Variants in PSME4 observed in about 807,000 individuals in gnomAD.
PSME4 encodes the protein proteasome activator complex subunit 4.
A neutral mutation model predicts 253.9 loss-of-function variants in PSME4; 89 were observed. That is an observed-to-expected ratio of 0.35 (90% CI 0.30 to 0.42). The LOEUF is 0.42. PSME4 is among the 10% of genes least tolerant of loss of function. The pLI is 1.00. For missense variants in PSME4, 2,014 were observed against 2,195.2 expected, an observed-to-expected ratio of 0.92 and a Z score of 1.65; for synonymous variants, 851 against 759.2, an observed-to-expected ratio of 1.12 and a Z score of -1.99.
intron 1 of PSME4, among the ~76,000 whole-genome samples, chr2:53,965,068 A>C (rs13400912): frequency 0.021 from 3,245 of 152,064 alleles, 109 homozygotes; most frequent in African/African-American, 0.075. Flanking sequence ...TACTTCACTA[A>C]AATCAAAATT....
At chr2:53,914,755 C>G (rs1310583920) in intron 20 of PSME4, among the ~76,000 whole-genome samples, 1 of 152,116 alleles carries the variant, frequency 6.6e-6, no homozygotes, top group Non-Finnish European at 1.5e-5. Flanking sequence ...GTGGCACACG[C>G]CTGTAATCCC....
chr2:53,925,508 G>C, intron 14 of PSME4, 31 bp downstream of exon 14: 2 of 1,477,280 alleles, frequency 1.4e-6, no homozygotes, highest in East Asian at 2.3e-5. Flanking sequence ...CTTAAAAGCT[G>C]GAAGTTTATT....
intron 43 of PSME4, among the ~76,000 whole-genome samples, chr2:53,873,836 G>A (rs1679004219): frequency 6.6e-6 from 1 of 152,104 alleles, no homozygotes; most frequent in South Asian, 2.1e-4. Context: ...GGGTTCAGGA[G>A]TATTATTTGC....
intron 20 of PSME4, among the ~76,000 whole-genome samples, chr2:53,910,856 C>T (rs1667799686): frequency 6.6e-6 from 1 of 151,948 alleles, no homozygotes; most frequent in African/African-American, 2.4e-5. Context: ...TACTTTATTT[C>T]AAAATATGAG....
chr2:53,884,200 G>A (rs1213935572), intron 41 of PSME4, among the ~76,000 whole-genome samples: 8 of 151,846 alleles, frequency 5.3e-5, no homozygotes, highest in Admixed American at 4.6e-4. Flanking sequence ...AACTTATATC[G>A]TACAGCTTTC....
intron 41 of PSME4, among the ~76,000 whole-genome samples, chr2:53,880,893 G>A (rs544939242): frequency 7.9e-5 from 12 of 152,222 alleles, no homozygotes; most frequent in African/African-American, 2.9e-4. Flanking sequence ...GTAGTTAACT[G>A]TGGTATAAAA....
At position 53,869,379 on chromosome 2, in the gene PSME4, C is replaced by A; in HGVS notation, c.5260G>T (p.Ala1754Ser). The change falls in exon 44 of 47, where the codon GCA becomes TCA. Residue 1754 changes from alanine to serine, a missense_variant. This residue lies in a region of PSME4 where 403 missense variants were observed against 556.1 expected (regional missense o/e 0.72). Transcript: ENST00000404125. The part of the protein sequence containing the change: ...PGSVGDTIPS[A>S]ELVKRHAGVL... The stretch of plus-strand genomic sequence containing the variant: ...TGTTTCCTACCAGCAATGTTACCTG[C>A]AGAAGGAATGGTATCTCCTACAGAA... 6.2e-7 allele frequency: 1 copy of A among 1,603,742 alleles called. No individual in the cohort carries two copies. The highest frequency in any genetic ancestry group is 8.5e-7 in the Non-Finnish European group (1 of 1,172,534).
rs528999923 is a variant in PSME4, at chr2:53,970,857, C to T, written c.-73G>A. The stretch of plus-strand genomic sequence containing the variant: ...GCCCCCACCCCTCTCCGGGCTCCGC[C>T]TCCTCCGCGTCTTCGTCGCCCTGCG... On this transcript the variant is annotated 5_prime_UTR_variant, in exon 1 of 47. Coordinates refer to ENST00000404125, the MANE Select transcript of PSME4 (RefSeq NM_014614.3). 5.0e-5 allele frequency: 64 copies of T among 1,284,694 alleles called. No individual in the cohort carries two copies. In the East Asian group the frequency reaches 1.8e-3, roughly 36 times the overall value. The allele number at this position is 1,284,694 out of a possible 1,614,324, so 79.6% of individuals were successfully genotyped here.
intron 3 of PSME4, among the ~76,000 whole-genome samples, chr2:53,945,668 A>G (rs1043724902): frequency 6.6e-6 from 1 of 152,252 alleles, no homozygotes; most frequent in East Asian, 1.9e-4. Context: ...AGTGATTTCA[A>G]TAAGGACTAA....
At chr2:53,874,569 CACAA>C (rs1313101487) in intron 42 of PSME4, 75 bp from the exon 43 acceptor site, 5 of 1,324,980 alleles carry the variant, frequency 3.8e-6, no homozygotes, top group Admixed American at 2.2e-5. Context: ...TGACATTACA[CACAA>C]ACAATGTAAT....
intron 3 of PSME4, among the ~76,000 whole-genome samples, 157 bp from the exon 4 acceptor site, chr2:53,940,157 G>A (rs1244032299): frequency 6.6e-6 from 1 of 152,002 alleles, no homozygotes; most frequent in Non-Finnish European, 1.5e-5. Flanking sequence ...GAACTGCAAG[G>A]ATTAACTACC....
Position 53,899,874 on chromosome 2 carries a change from C to G in PSME4, c.3422+7G>C, listed in dbSNP as rs1462595459. On this transcript the variant is annotated splice_region_variant and intron_variant, in intron 29 of 46. Coordinates refer to ENST00000404125, the MANE Select transcript of PSME4 (RefSeq NM_014614.3). Reference sequence around the variant, plus strand: ...TCATCTATTGAAGTACACCATTCATCAATTACCTTAGGGCATCGGCATTCT... The same window carrying G: ...TCATCTATTGAAGTACACCATTCATGAATTACCTTAGGGCATCGGCATTCT... The G allele has an allele frequency of 6.2e-7, 1 of 1,611,990 alleles. No individual in the cohort carries two copies. Among genetic ancestry groups the G allele is most frequent in the East Asian group, 2.2e-5 (1 of 44,862 alleles).
At chr2:53,883,743 CTTCT>C (rs1481817808) in intron 41 of PSME4, among the ~76,000 whole-genome samples, 4 of 147,298 alleles carry the variant, frequency 2.7e-5, no homozygotes, top group African/African-American at 7.9e-5. Context: ...AATTCTTATA[CTTCT>C]TTTTTTTTTT....
At chr2:53,924,618 T>G (rs150510078) in intron 14 of PSME4, among the ~76,000 whole-genome samples, 1 of 152,006 alleles carries the variant, frequency 6.6e-6, no homozygotes, top group African/African-American at 2.4e-5. Context: ...AAAAATACAG[T>G]TGTTTCTTTT....
chr2:53,895,154 CA>C, intron 33 of PSME4, 78 bp from the exon 34 acceptor site: 2 of 1,279,786 alleles, frequency 1.6e-6, no homozygotes, highest in Non-Finnish European at 2.2e-6. Context: ...CATTAGAAGG[CA>C]CTTTTAATGA....
intron 15 of PSME4, 49 bp downstream of exon 15, chr2:53,923,272 T>G: frequency 6.5e-7 from 1 of 1,545,314 alleles, no homozygotes; most frequent in Non-Finnish European, 8.7e-7. Context: ...CCATATAAAC[T>G]AGTTGATTGT....
At position 53,943,633 on chromosome 2, in the gene PSME4, G is replaced by C. The variant is rs576015569; in HGVS notation, c.501-3633C>G. Among the ~76,000 whole-genome samples the C allele has an allele frequency of 6.4e-4, 98 of 152,184 alleles. 2 individuals carry two copies. Among genetic ancestry groups the C allele is most frequent in the Non-Finnish European group, 3.4e-4 (23 of 68,008 alleles). On this transcript the variant is annotated intron_variant, in intron 3 of 46. Transcript: ENST00000404125. ...AGGCGGGTGGATCACGTGAGGTCCA[G>C]AGTTCAAGACCAGCCTGGCCAACAT...
chr2:53,950,109 T>C (rs1669906184), intron 1 of PSME4, among the ~76,000 whole-genome samples: 1 of 151,998 alleles, frequency 6.6e-6, no homozygotes, highest in Non-Finnish European at 1.5e-5. Flanking sequence ...ACCCAGTCTC[T>C]ACAACAAATA....
At chr2:53,880,913 T>A (rs910566954) in intron 41 of PSME4, among the ~76,000 whole-genome samples, 1 of 152,152 alleles carries the variant, frequency 6.6e-6, no homozygotes, top group Non-Finnish European at 1.5e-5. Context: ...AAAGAAGATA[T>A]TCATTTACTG....
Sources: gnomAD v4.1 joint callset for allele counts (sites outside exome capture counted in the v4.1 genomes callset) on GRCh38, gnomAD v4.1.1 for gene constraint, gnomAD v4.1.1 regional missense constraint, MANE v1.5 for transcripts, NCBI Gene and HGNC (gene_info 2026-07-23, HGNC 2026-07-21) for gene names.